CADM2: variants seen among roughly 807,000 people sequenced by gnomAD.
CADM2 encodes the protein immunoglobulin superfamily member 4D.
CADM2 carries 12 observed loss-of-function variants against 49.8 expected under a neutral mutation model. That is an observed-to-expected ratio of 0.24 (90% CI 0.15 to 0.39). The LOEUF (loss-of-function observed/expected upper bound fraction) is 0.39. Among genes scored for constraint, CADM2 ranks in the 10% least tolerant of loss-of-function variants. The probability of loss-of-function intolerance (pLI) is 1.00; values close to 1 mark genes in which losing one functional copy is unlikely to be tolerated. For missense variants in CADM2, 378 were observed against 492.3 expected (o/e 0.77, Z 2.20); for synonymous variants, 214 against 175.4 (o/e 1.22, Z -1.74).
intron 1 of CADM2, among the ~76,000 whole-genome samples, chr3:85,455,213 A>T (rs2037936373): frequency 6.6e-6 from 1 of 152,234 alleles, no homozygotes; most frequent in Non-Finnish European, 1.5e-5. Flanking sequence ...AGCCACAATA[A>T]AACACAAATG....
chr3:85,008,699 G>T (rs962248235), intron 1 of CADM2, among the ~76,000 whole-genome samples: 1 of 151,850 alleles, frequency 6.6e-6, no homozygotes, highest in Non-Finnish European at 1.5e-5. Context: ...AAAATTGAGG[G>T]ATCAGATACA....
At chr3:85,125,670 G>A (rs2039009584) in intron 1 of CADM2, among the ~76,000 whole-genome samples, 1 of 152,082 alleles carries the variant, frequency 6.6e-6, no homozygotes, top group Non-Finnish European at 1.5e-5. Flanking sequence ...GCCTACTCTT[G>A]GGGACTCTTC....
intron 1 of CADM2, among the ~76,000 whole-genome samples, chr3:85,178,963 T>G (rs1170677698): frequency 6.6e-6 from 1 of 151,932 alleles, no homozygotes; most frequent in Non-Finnish European, 1.5e-5. Context: ...ATTATACTTT[T>G]GAATGAAGAA....
At position 85,183,548 on chromosome 3, in the gene CADM2, C is replaced by A. The variant is rs1462953722; in HGVS notation, c.61+223880C>A. Among the ~76,000 whole-genome samples, 4 of 152,206 alleles carry A rather than the reference C, an allele frequency of 2.6e-5. No homozygotes were observed. The East Asian group carries it at 5.8e-4, about 22-fold the overall frequency. On this transcript the variant is annotated intron_variant, in intron 1 of 9. Transcript: ENST00000383699. ...AGACACTTTCTAACCTGCTGATTAA[C>A]CCCATCCCACCAGTGCCTTCAGAAC...
intron 1 of CADM2, among the ~76,000 whole-genome samples, chr3:85,165,188 T>C (rs1213623606): frequency 1.3e-5 from 2 of 151,934 alleles, no homozygotes; most frequent in Non-Finnish European, 2.9e-5. Context: ...ATCAAATCTC[T>C]TGAATTACAT....
chr3:85,734,584 C>T (rs761986961), intron 2 of CADM2, among the ~76,000 whole-genome samples: 2 of 149,062 alleles, frequency 1.3e-5, no homozygotes, highest in Non-Finnish European at 3.0e-5. Context: ...CACATATACA[C>T]ATACACATAT....
chr3:86,014,777 C>G, intron 8 of CADM2: 1 of 1,473,754 alleles, frequency 6.8e-7, no homozygotes, highest in South Asian at 1.4e-5. Flanking sequence ...GTTGGAGAAT[C>G]AAATAGAAAC....
intron 1 of CADM2, among the ~76,000 whole-genome samples, chr3:85,685,309 A>G (rs569313641): frequency 4.6e-5 from 7 of 152,300 alleles, no homozygotes; most frequent in African/African-American, 1.7e-4. Context: ...TCCCAGGGCT[A>G]TCACTAACTT....
intron 1 of CADM2, among the ~76,000 whole-genome samples, chr3:85,060,844 T>C (rs1217872378): frequency 6.6e-6 from 1 of 151,924 alleles, no homozygotes; most frequent in African/African-American, 2.4e-5. Context: ...CAAGAATATT[T>C]ATAAAGTGAA....
chr3:85,999,265 GAGGGTT>G (rs1729825164), intron 8 of CADM2, among the ~76,000 whole-genome samples: 4 of 141,054 alleles, frequency 2.8e-5, no homozygotes, highest in Admixed American at 1.5e-4. Flanking sequence ...TTGGGAGGCC[GAGGGTT>G]GGGGGGTGGA....
At chr3:86,020,748 T>A (rs1457761742) in intron 8 of CADM2, among the ~76,000 whole-genome samples, 3 of 152,178 alleles carry the variant, frequency 2.0e-5, no homozygotes, top group Non-Finnish European at 1.5e-5. Flanking sequence ...ACATGATTAT[T>A]TCAATAGATG....
intron 3 of CADM2, among the ~76,000 whole-genome samples, chr3:85,803,539 T>A (rs374005296): frequency 1.2e-5 from 1 of 80,004 alleles, no homozygotes; most frequent in Non-Finnish European, 2.6e-5. Flanking sequence ...ATAGATCAAT[T>A]GATCGATATT....
chr3:85,619,337 C>T (rs925017505), intron 1 of CADM2, among the ~76,000 whole-genome samples: 2 of 147,990 alleles, frequency 1.4e-5, no homozygotes, highest in African/African-American at 5.0e-5. Flanking sequence ...TGCAATGGAA[C>T]TTTAAACTTT....
At chr3:85,614,857 A>G (rs1448433927) in intron 1 of CADM2, among the ~76,000 whole-genome samples, 4 of 151,970 alleles carry the variant, frequency 2.6e-5, no homozygotes, top group Admixed American at 2.6e-4. Context: ...TTGTGTTGAC[A>G]TATTCAGACA....
At chr3:85,833,238 T>C (rs1456348280) in intron 3 of CADM2, among the ~76,000 whole-genome samples, 2 of 151,848 alleles carry the variant, frequency 1.3e-5, no homozygotes, top group Non-Finnish European at 2.9e-5. Context: ...GTGAGGATTT[T>C]TTAATCTATG....
chr3:85,045,602 G>A (rs2035624906), intron 1 of CADM2, among the ~76,000 whole-genome samples: 1 of 151,980 alleles, frequency 6.6e-6, no homozygotes, highest in Admixed American at 6.6e-5. Flanking sequence ...CAGTATATGT[G>A]TATATTTCAC....
chr3:85,074,178 G>T (rs552210378), intron 1 of CADM2, among the ~76,000 whole-genome samples: 46 of 152,066 alleles, frequency 3.0e-4, no homozygotes, highest in African/African-American at 1.1e-3. Flanking sequence ...CACATTAACT[G>T]TCTTACTCTG....
At chr3:85,386,095 C>A (rs951252542) in intron 1 of CADM2, among the ~76,000 whole-genome samples, 3 of 152,124 alleles carry the variant, frequency 2.0e-5, no homozygotes, top group African/African-American at 7.2e-5. Context: ...CTACATACTA[C>A]TTTATTTGCA....
At chr3:85,991,999 C>T (rs1012032735) in intron 8 of CADM2, among the ~76,000 whole-genome samples, 12 of 151,780 alleles carry the variant, frequency 7.9e-5, no homozygotes, top group Non-Finnish European at 1.3e-4. Flanking sequence ...ATTATCTAAA[C>T]ATATTCAAGA....
Sources: allele counts gnomAD v4.1 joint callset (sites outside exome capture counted in the v4.1 genomes callset), GRCh38; gene constraint gnomAD v4.1.1; transcripts MANE v1.5; gene names NCBI Gene and HGNC (gene_info 2026-07-23, HGNC 2026-07-21).